DSCAM: variants seen among roughly 807,000 people sequenced by gnomAD.
The protein encoded by DSCAM is cell adhesion molecule DSCAM.
In DSCAM, 47 loss-of-function variants were observed where a neutral mutation model predicts 217.7. That is an observed-to-expected ratio of 0.22 (90% CI 0.17 to 0.28). The LOEUF (loss-of-function observed/expected upper bound fraction) is 0.28. DSCAM is among the 10% of genes least tolerant of loss of function. The pLI, the probability that DSCAM is intolerant of heterozygous loss-of-function variation, is 1.00. For synonymous variants in DSCAM, 1,056 were observed against 1,015.3 expected, an observed-to-expected ratio of 1.04 and a Z score of -0.76; for missense variants, 2,080 against 2,618.3, an observed-to-expected ratio of 0.79 and a Z score of 4.49.
chr21:40,109,336 G>A (rs2089864604), intron 20 of DSCAM, among the ~76,000 whole-genome samples: 1 of 152,180 alleles, frequency 6.6e-6, no homozygotes, highest in African/African-American at 2.4e-5. Context: ...CGTGGGCAGA[G>A]GACATGAATA....
At chr21:40,121,397 GT>G (rs2090031688) in intron 20 of DSCAM, among the ~76,000 whole-genome samples, 1 of 152,106 alleles carries the variant, frequency 6.6e-6, no homozygotes, top group South Asian at 2.1e-4. Context: ...TAAAAAATAG[GT>G]CTCGTGCTCT....
chr21:40,279,491 A>C lies in DSCAM; in HGVS notation c.2183-3221T>G, dbSNP rs551957901. 1.4e-4 allele frequency among the ~76,000 whole-genome samples: 21 copies of C among 152,346 alleles called. No individual in the cohort carries two copies. The South Asian group carries it at 2.9e-3, about 21-fold the overall frequency. On this transcript the variant is annotated intron_variant, in intron 10 of 32. Transcript: ENST00000400454. Reference sequence around the variant, plus strand: ...CAGGAAACAACAGATGCTGGAGAGGATGTGGAGAAATAGGAAGGCTTTCAC... The same window carrying C: ...CAGGAAACAACAGATGCTGGAGAGGCTGTGGAGAAATAGGAAGGCTTTCAC...
intron 11 of DSCAM, among the ~76,000 whole-genome samples, chr21:40,267,676 C>A (rs1401633672): frequency 6.6e-6 from 1 of 152,142 alleles, no homozygotes; most frequent in African/African-American, 2.4e-5. Context: ...GCAGGCAGAT[C>A]ACTTGAGGTC....
intron 3 of DSCAM, among the ~76,000 whole-genome samples, chr21:40,500,554 T>C (rs2076163051): frequency 6.6e-6 from 1 of 150,444 alleles, no homozygotes; most frequent in Non-Finnish European, 1.5e-5. Context: ...GACGGTACTC[T>C]TGACCTTGGA....
chr21:40,080,334 A>ATG lies in DSCAM; in HGVS notation c.4236_4237dup (p.Ile1413ThrfsTer40). ...ACTATTGTCCTCGGAGTACTGCAGTATGTATCCTGCAGAGAATGAGAAAGA... is the reference window on the plus strand; with the variant it reads ...ACTATTGTCCTCGGAGTACTGCAGTATGTGTATCCTGCAGAGAATGAGAAAGA... On this transcript the variant is annotated frameshift_variant, in exon 25 of 33. Transcript: ENST00000400454. LOFTEE classifies it high-confidence loss of function. 6.2e-7 allele frequency: 1 copy of ATG among 1,604,434 alleles called. No individual in the cohort carries two copies. The highest frequency in any genetic ancestry group is 8.5e-7 in the Non-Finnish European group (1 of 1,174,326).
At chr21:40,123,022 G>A (rs1034147892) in intron 20 of DSCAM, among the ~76,000 whole-genome samples, 1 of 152,236 alleles carries the variant, frequency 6.6e-6, no homozygotes, top group Non-Finnish European at 1.5e-5. Context: ...AGGATATCAT[G>A]TCAAGTGAAA....
chr21:40,366,660 T>C (rs983825075), intron 4 of DSCAM, among the ~76,000 whole-genome samples: 1 of 152,204 alleles, frequency 6.6e-6, no homozygotes, highest in Non-Finnish European at 1.5e-5. Context: ...GTTAAATCTT[T>C]TTCCTTTTTG....
chr21:40,504,969 G>T (rs147377668), intron 3 of DSCAM, among the ~76,000 whole-genome samples: 59 of 152,258 alleles, frequency 3.9e-4, no homozygotes, highest in African/African-American at 1.4e-3. Context: ...GAAATCAAGG[G>T]CTGTTTATAT....
chr21:40,120,257 A>G (rs2090018684), intron 20 of DSCAM, among the ~76,000 whole-genome samples: 1 of 152,248 alleles, frequency 6.6e-6, no homozygotes, highest in Admixed American at 6.5e-5. Flanking sequence ...AATGTGAATC[A>G]CAGCTCAGAG....
intron 20 of DSCAM, among the ~76,000 whole-genome samples, chr21:40,096,401 C>T (rs1166746334): frequency 6.6e-6 from 1 of 152,124 alleles, no homozygotes; most frequent in Non-Finnish European, 1.5e-5. Context: ...GTCATGGGCA[C>T]GCATCCTCAC....
chr21:40,585,808 C>T (rs1045733527), intron 3 of DSCAM, among the ~76,000 whole-genome samples: 4 of 152,086 alleles, frequency 2.6e-5, no homozygotes, highest in African/African-American at 9.7e-5. Flanking sequence ...GAGAGTGCCC[C>T]TGAGAGTTGG....
intron 8 of DSCAM, among the ~76,000 whole-genome samples, chr21:40,323,917 A>G (rs1285532257): frequency 6.6e-6 from 1 of 152,024 alleles, no homozygotes; most frequent in Non-Finnish European, 1.5e-5. Flanking sequence ...CAGCCTGGCC[A>G]ACATAGTGAA....
intron 18 of DSCAM, among the ~76,000 whole-genome samples, chr21:40,138,736 G>A (rs1238148856): frequency 1.4e-5 from 2 of 145,328 alleles, no homozygotes; most frequent in African/African-American, 5.1e-5. Context: ...TATGTGGTGT[G>A]CAGTATATGT....
At chr21:40,734,317 C>T (rs2205148) in intron 1 of DSCAM, among the ~76,000 whole-genome samples, 2,446 of 152,246 alleles carry the variant, frequency 0.016, 60 homozygotes, top group African/African-American at 0.056. Flanking sequence ...AAAAGGGGCA[C>T]GCTGCTTCCT....
chr21:40,657,803 A>G (rs1040296503), intron 3 of DSCAM, among the ~76,000 whole-genome samples: 4 of 152,216 alleles, frequency 2.6e-5, no homozygotes, highest in African/African-American at 7.2e-5. Context: ...ACCGATGAAT[A>G]ACTATTAGTA....
intron 20 of DSCAM, among the ~76,000 whole-genome samples, chr21:40,100,812 A>G (rs558895993): frequency 1.3e-5 from 2 of 152,338 alleles, no homozygotes; most frequent in African/African-American, 4.8e-5. Context: ...CTTAATATTT[A>G]AATATTTCAT....
chr21:40,692,801 A>G lies in DSCAM; in HGVS notation c.508+9T>C. 6.2e-7 allele frequency: 1 copy of G among 1,609,478 alleles called. No homozygotes were observed. Reference sequence around the variant, plus strand: ...GTGGTGTCCTGCACCCTGGAGACGCAAAGCCTACCTGAGACAAGTGAAACA... The same window carrying G: ...GTGGTGTCCTGCACCCTGGAGACGCGAAGCCTACCTGAGACAAGTGAAACA... On this transcript the variant is annotated intron_variant, in intron 3 of 32. Coordinates refer to ENST00000400454, the MANE Select transcript of DSCAM (RefSeq NM_001389.5).
intron 3 of DSCAM, among the ~76,000 whole-genome samples, chr21:40,489,448 C>A (rs536226921): frequency 6.6e-6 from 1 of 152,268 alleles, no homozygotes; most frequent in East Asian, 1.9e-4. Flanking sequence ...TCCGTAATCA[C>A]GTTGGCCAAT....
chr21:40,018,858 G>A (rs1463585659), intron 32 of DSCAM, among the ~76,000 whole-genome samples: 1 of 152,200 alleles, frequency 6.6e-6, no homozygotes, highest in Non-Finnish European at 1.5e-5. Flanking sequence ...GGTCTGACAA[G>A]TATCTCTGAA....
Sources: allele counts gnomAD v4.1 joint callset (sites outside exome capture counted in the v4.1 genomes callset), GRCh38; gene constraint gnomAD v4.1.1; transcripts MANE v1.5; gene names NCBI Gene and HGNC (gene_info 2026-07-23, HGNC 2026-07-21).